Variants in ELP4 observed in about 807,000 individuals in gnomAD.
ELP4 encodes elongator acetyltransferase complex subunit 4, also known as elongator complex protein 4.
Under a neutral mutation model 48.9 loss-of-function variants are expected in ELP4, and 51 were observed. The ratio of observed to expected loss-of-function variants is 1.04; its 90% CI spans 0.83 to 1.32. The LOEUF is 1.32. Among genes scored for constraint, ELP4 ranks in the 40% most tolerant of loss-of-function variants. The probability of loss-of-function intolerance (pLI) is 0.00; values close to 1 mark genes in which losing one functional copy is unlikely to be tolerated. For missense variants in ELP4, 519 were observed against 514.6 expected, an observed-to-expected ratio of 1.01 and a Z score of -0.08; for synonymous variants, 210 against 189.2, an observed-to-expected ratio of 1.11 and a Z score of -0.90.
At chr11:31,587,768 G>C (rs559229794) in intron 3 of ELP4, among the ~76,000 whole-genome samples, 1 of 151,940 alleles carries the variant, frequency 6.6e-6, no homozygotes, top group Non-Finnish European at 1.5e-5. Flanking sequence ...ATGATTGTCC[G>C]CAGGGGGTTT....
At chr11:31,543,537 T>C (rs981910140) in intron 3 of ELP4, among the ~76,000 whole-genome samples, 2 of 152,120 alleles carry the variant, frequency 1.3e-5, no homozygotes, top group Non-Finnish European at 2.9e-5. Flanking sequence ...GCCAGGATGG[T>C]CTTGATCTCC....
chr11:31,545,683 C>A lies in ELP4; in HGVS notation c.381+5900C>A, dbSNP rs147566492. Among the ~76,000 whole-genome samples, 330 of 152,146 alleles carry A rather than the reference C, an allele frequency of 2.2e-3. 1 individual carries two copies. Among genetic ancestry groups the A allele is most frequent in the Middle Eastern group, 3.4e-3 (1 of 294 alleles). ...GAGCAACTGCAAGACACGTAATTGT[C>A]AGATTCATCAAAGTTGAAATGAAGG... On this transcript the variant is annotated intron_variant, in intron 3 of 9. Coordinates refer to ENST00000640961, the MANE Select transcript of ELP4 (RefSeq NM_019040.5).
At chr11:31,746,807 G>A (rs1272437680) in intron 9 of ELP4, among the ~76,000 whole-genome samples, 2 of 152,028 alleles carry the variant, frequency 1.3e-5, no homozygotes, top group Admixed American at 6.6e-5. Flanking sequence ...GTTAATGGGT[G>A]CAGCACACCA....
intron 9 of ELP4, chr11:31,664,496 T>C (rs1396318335): frequency 6.6e-6 from 1 of 152,136 alleles, no homozygotes; most frequent in African/African-American, 2.4e-5. Context: ...GCTAATAGAA[T>C]AATGTATTTT....
At chr11:31,610,605 G>A (rs1373876463) in intron 5 of ELP4, among the ~76,000 whole-genome samples, 5 of 152,078 alleles carry the variant, frequency 3.3e-5, no homozygotes, top group Admixed American at 6.6e-5. Flanking sequence ...AGAACATGCA[G>A]TATTTGGTTA....
intron 2 of ELP4, among the ~76,000 whole-genome samples, chr11:31,535,810 T>C (rs893002126): frequency 2.0e-5 from 3 of 152,220 alleles, no homozygotes; most frequent in African/African-American, 7.2e-5. Flanking sequence ...TAATTTTGCT[T>C]TCTATAGAAT....
intron 5 of ELP4, among the ~76,000 whole-genome samples, chr11:31,614,451 C>G (rs892774002): frequency 6.6e-6 from 1 of 151,922 alleles, no homozygotes; most frequent in African/African-American, 2.4e-5. Flanking sequence ...ATAATGATAG[C>G]AATGGATTTA....
chr11:31,574,691 G>A (rs956547021), intron 3 of ELP4, among the ~76,000 whole-genome samples: 8 of 152,192 alleles, frequency 5.3e-5, no homozygotes, highest in South Asian at 4.1e-4. Flanking sequence ...GTGGACCTCC[G>A]GCAAACTCCA....
chr11:31,745,425 T>A (rs1343878961), intron 9 of ELP4, among the ~76,000 whole-genome samples: 24 of 152,068 alleles, frequency 1.6e-4, no homozygotes, highest in African/African-American at 5.1e-4. Context: ...AAGAGCCCAC[T>A]TCGCCAAGTC....
chr11:31,647,831 T>C lies in ELP4; in HGVS notation c.1018T>C (p.Leu340=). ...FIGSERETNP[L]YKDYHGLIHI... ...TGGTTCTGAGAGAGAAACTAACCCA[T>C]TGTATAAGGATTATCATGGTAAGTA... Residue 340 remains leucine, a synonymous_variant, in exon 8 of 10, where the codon TTG becomes CTG. Coordinates refer to ENST00000640961, the MANE Select transcript of ELP4 (RefSeq NM_019040.5). 6.3e-7 allele frequency: 1 copy of C among 1,595,628 alleles called. No individual in the cohort carries two copies. The highest frequency in any genetic ancestry group is 1.1e-5 in the South Asian group (1 of 90,666).
At chr11:31,523,501 G>A (rs1262092460) in intron 2 of ELP4, among the ~76,000 whole-genome samples, 1 of 152,102 alleles carries the variant, frequency 6.6e-6, no homozygotes, top group Non-Finnish European at 1.5e-5. Flanking sequence ...GGCTTTCAGA[G>A]TACTGTATTT....
chr11:31,573,708 T>G (rs563663430), intron 3 of ELP4: 13 of 152,228 alleles, frequency 8.5e-5, no homozygotes, highest in Admixed American at 2.6e-4. Flanking sequence ...AAATACCATC[T>G]CATTAGGGGA....
At chr11:31,681,305 G>T (rs1946046712) in intron 9 of ELP4, among the ~76,000 whole-genome samples, 2 of 152,172 alleles carry the variant, frequency 1.3e-5, no homozygotes, top group Non-Finnish European at 2.9e-5. Context: ...CAAAAACAGG[G>T]TTTGATTTGT....
intron 2 of ELP4, among the ~76,000 whole-genome samples, chr11:31,533,581 G>C (rs1349327276): frequency 2.0e-5 from 3 of 151,180 alleles, no homozygotes; most frequent in Admixed American, 2.0e-4. Flanking sequence ...GTAGAGACGG[G>C]GTTTCACCGT....
At chr11:31,757,677 T>A (rs906128744) in intron 9 of ELP4, among the ~76,000 whole-genome samples, 1 of 152,130 alleles carries the variant, frequency 6.6e-6, no homozygotes, top group African/African-American at 2.4e-5. Flanking sequence ...CTAAACTTTG[T>A]CAGAGATGAA....
chr11:31,585,672 A>G (rs1957460091), intron 3 of ELP4, among the ~76,000 whole-genome samples: 1 of 152,196 alleles, frequency 6.6e-6, no homozygotes, highest in Non-Finnish European at 1.5e-5. Context: ...AAATGATAAA[A>G]CATGAGTAGA....
At chr11:31,572,929 C>T (rs530691372) in intron 3 of ELP4, among the ~76,000 whole-genome samples, 1 of 152,108 alleles carries the variant, frequency 6.6e-6, no homozygotes, top group South Asian at 2.1e-4. Flanking sequence ...CACTTGAGCC[C>T]AGGAGTTCAA....
chr11:31,738,232 CAAAAAAAAAA>C (rs57817538), intron 9 of ELP4, among the ~76,000 whole-genome samples: 29 of 53,716 alleles, frequency 5.4e-4, no homozygotes, highest in African/African-American at 1.6e-3. Flanking sequence ...CCATCTCTAC[CAAAAAAAAAA>C]AAAAAAAAAA....
chr11:31,661,144 C>A (rs1592200515), intron 9 of ELP4, among the ~76,000 whole-genome samples: 1 of 151,866 alleles, frequency 6.6e-6, no homozygotes, highest in Admixed American at 6.6e-5. Flanking sequence ...ATACACACAC[C>A]CCCTTAATAT....
Sources: allele counts gnomAD v4.1 joint callset (sites outside exome capture counted in the v4.1 genomes callset), GRCh38; gene constraint gnomAD v4.1.1; transcripts MANE v1.5; gene names NCBI Gene and HGNC (gene_info 2026-07-23, HGNC 2026-07-21).